The following MAST2 variants were observed in gnomAD, a reference collection of about 807,000 sequenced individuals.
MAST2 encodes the protein microtubule-associated serine/threonine-protein kinase 2.
MAST2 carries 70 observed loss-of-function variants against 147.4 expected under a neutral mutation model. The ratio of observed to expected loss-of-function variants is 0.47; its 90% CI spans 0.39 to 0.58. The LOEUF (loss-of-function observed/expected upper bound fraction) is 0.58, where lower values mean the gene tolerates loss of function less well. Ranked by LOEUF, MAST2 falls within the 20% of genes least tolerant of loss-of-function variation. The probability of loss-of-function intolerance (pLI) is 0.00; values close to 1 mark genes in which losing one functional copy is unlikely to be tolerated. For missense variants in MAST2, 2,080 were observed against 2,302.3 expected, an observed-to-expected ratio of 0.90 and a Z score of 1.98; for synonymous variants, 869 against 896.8, an observed-to-expected ratio of 0.97 and a Z score of 0.55.
chr1:45,872,163 T>G (rs1004402426), intron 3 of MAST2, among the ~76,000 whole-genome samples: 2 of 152,216 alleles, frequency 1.3e-5, no homozygotes, highest in African/African-American at 4.8e-5. Flanking sequence ...GTGCTGCTAC[T>G]GCAGTAGGGA....
At chr1:45,944,418 A>T (rs1425741380) in intron 4 of MAST2, among the ~76,000 whole-genome samples, 1 of 152,194 alleles carries the variant, frequency 6.6e-6, no homozygotes, top group South Asian at 2.1e-4. Flanking sequence ...TTCAGTGTCA[A>T]ATTAATACAA....
chr1:45,923,612 C>T (rs143584308), intron 4 of MAST2, among the ~76,000 whole-genome samples: 25 of 152,250 alleles, frequency 1.6e-4, no homozygotes, highest in African/African-American at 5.3e-4. Context: ...AGTGGCAGAA[C>T]TGGGATAGAA....
chr1:46,004,846 T>C (rs552114491), intron 7 of MAST2, among the ~76,000 whole-genome samples: 1 of 152,080 alleles, frequency 6.6e-6, no homozygotes, highest in Non-Finnish European at 1.5e-5. Context: ...CTCAGCACTT[T>C]GAGAGGTCAA....
chr1:46,029,609 G>A (rs756951871), intron 19 of MAST2, 42 bp downstream of exon 19: 2 of 1,572,720 alleles, frequency 1.3e-6, no homozygotes, highest in Admixed American at 3.4e-5. Flanking sequence ...CTTGGAAAAG[G>A]GGTAAGGGAG....
intron 4 of MAST2, among the ~76,000 whole-genome samples, chr1:45,905,874 A>G (rs1210672388): frequency 1.3e-5 from 2 of 152,096 alleles, no homozygotes; most frequent in African/African-American, 2.4e-5. Context: ...AAAAATTGCC[A>G]CATAATTTTC....
chr1:45,817,351 C>A (rs564254255), intron 1 of MAST2, among the ~76,000 whole-genome samples: 5 of 152,152 alleles, frequency 3.3e-5, no homozygotes, highest in African/African-American at 1.2e-4. Context: ...AAATAACATA[C>A]AATGGAGCTT....
intron 5 of MAST2, among the ~76,000 whole-genome samples, chr1:45,975,593 G>C (rs1472146738): frequency 1.3e-5 from 2 of 149,244 alleles, no homozygotes; most frequent in Non-Finnish European, 3.0e-5. Context: ...GATCGCTTGA[G>C]TACAGGAAGT....
chr1:45,907,270 TTA>T (rs1488334924), intron 4 of MAST2, among the ~76,000 whole-genome samples: 1 of 152,192 alleles, frequency 6.6e-6, no homozygotes, highest in Admixed American at 6.5e-5. Context: ...TTGTGAGTTT[TTA>T]TAGTTAGTAC....
chr1:45,814,477 A>T (rs966358481), intron 1 of MAST2, among the ~76,000 whole-genome samples: 16 of 152,174 alleles, frequency 1.1e-4, no homozygotes, highest in African/African-American at 2.9e-4. Context: ...AAAAAAGAAA[A>T]TTTTTTTAAT....
intron 1 of MAST2, among the ~76,000 whole-genome samples, chr1:45,816,364 A>G (rs910598415): frequency 6.6e-6 from 1 of 152,156 alleles, no homozygotes; most frequent in Non-Finnish European, 1.5e-5. Flanking sequence ...ACAAATACCC[A>G]CAAGCGTTAA....
intron 5 of MAST2, among the ~76,000 whole-genome samples, chr1:45,967,236 A>C (rs1039038348): frequency 1.3e-5 from 2 of 151,612 alleles, no homozygotes; most frequent in African/African-American, 4.9e-5. Context: ...ACCACACCCA[A>C]CTAATTCTGT....
chr1:45,982,801 A>C (rs754036081), intron 5 of MAST2, among the ~76,000 whole-genome samples: 19 of 152,164 alleles, frequency 1.2e-4, no homozygotes, highest in Non-Finnish European at 2.2e-4. Flanking sequence ...AAGACTTATG[A>C]CTGGTGTTGG....
intron 3 of MAST2, among the ~76,000 whole-genome samples, chr1:45,865,644 C>A (rs1646122836): frequency 6.6e-6 from 1 of 152,176 alleles, no homozygotes; most frequent in South Asian, 2.1e-4. Flanking sequence ...TGTCTACCTA[C>A]CTACCTACCT....
intron 3 of MAST2, among the ~76,000 whole-genome samples, chr1:45,854,101 G>C (rs146568750): frequency 6.6e-6 from 1 of 152,242 alleles, no homozygotes; most frequent in African/African-American, 2.4e-5. Flanking sequence ...CACTTTGGGA[G>C]GCTAAGGTGG....
chr1:45,959,655 A>G (rs776242446), intron 5 of MAST2, among the ~76,000 whole-genome samples, 178 bp downstream of exon 5: 8 of 151,956 alleles, frequency 5.3e-5, no homozygotes, highest in Non-Finnish European at 1.2e-4. Flanking sequence ...CCTGCTTTTG[A>G]CTCTTAGTTG....
intron 5 of MAST2, among the ~76,000 whole-genome samples, chr1:45,972,130 AG>A (rs755276351): frequency 2.0e-5 from 3 of 152,336 alleles, no homozygotes; most frequent in Non-Finnish European, 4.4e-5. Flanking sequence ...AGCCGTCAGT[AG>A]GAGTCCACAG....
intron 5 of MAST2, among the ~76,000 whole-genome samples, chr1:45,980,583 G>A (rs971233576): frequency 2.0e-5 from 3 of 152,224 alleles, no homozygotes; most frequent in Admixed American, 6.5e-5. Flanking sequence ...CACATAGGCT[G>A]TAGTGTAGTG....
intron 2 of MAST2, among the ~76,000 whole-genome samples, chr1:45,826,439 G>A (rs576031213): frequency 8.5e-5 from 13 of 152,184 alleles, no homozygotes; most frequent in Admixed American, 4.6e-4. Flanking sequence ...TGCAACCTCT[G>A]CCTTCTGGGC....
At chr1:45,821,515 CTTTTT>C (rs59159342) in intron 1 of MAST2, among the ~76,000 whole-genome samples, 1 of 70,922 alleles carries the variant, frequency 1.4e-5, no homozygotes, top group African/African-American at 6.1e-5. Context: ...GTTATTTCTT[CTTTTT>C]TTTTTTTTTT....
Sources: allele counts gnomAD v4.1 joint callset (sites outside exome capture counted in the v4.1 genomes callset), GRCh38; gene constraint gnomAD v4.1.1; transcripts MANE v1.5; gene names NCBI Gene and HGNC (gene_info 2026-07-23, HGNC 2026-07-21).